Variants in SIPA1L3 observed in about 807,000 individuals in gnomAD.
SIPA1L3 encodes the protein signal induced proliferation associated 1 like 3, also known as signal-induced proliferation-associated 1-like protein 3.
In SIPA1L3, 59 loss-of-function variants were observed where a neutral mutation model predicts 150.1. That is an observed-to-expected ratio of 0.39 (90% CI 0.32 to 0.49). The LOEUF (loss-of-function observed/expected upper bound fraction) is 0.49, where lower values mean the gene tolerates loss of function less well. Among genes scored for constraint, SIPA1L3 ranks in the 20% least tolerant of loss-of-function variants. The pLI is 0.86. For missense variants in SIPA1L3, 2,211 were observed against 2,489.5 expected, an observed-to-expected ratio of 0.89 and a Z score of 2.38; for synonymous variants, 1,070 against 1,077.6, an observed-to-expected ratio of 0.99 and a Z score of 0.14.
intron 15 of SIPA1L3, among the ~76,000 whole-genome samples, chr19:38,181,244 C>G (rs1972548332): frequency 6.6e-6 from 1 of 152,208 alleles, no homozygotes; most frequent in Non-Finnish European, 1.5e-5. Flanking sequence ...GTTGTCATCT[C>G]TGGGGAGATG....
chr19:37,999,122 C>T (rs1037343184), intron 1 of SIPA1L3, among the ~76,000 whole-genome samples: 2 of 152,132 alleles, frequency 1.3e-5, no homozygotes, highest in Admixed American at 6.6e-5. Flanking sequence ...GGTAAATGAC[C>T]ACCTTGCAGT....
At chr19:38,192,465 A>G (rs1361184416) in intron 17 of SIPA1L3, among the ~76,000 whole-genome samples, 155 bp downstream of exon 17, 3 of 152,168 alleles carry the variant, frequency 2.0e-5, no homozygotes, top group Non-Finnish European at 4.4e-5. Flanking sequence ...GTTGGGGGCT[A>G]TGGGCTCATG....
In SIPA1L3 at chr19:37,942,184, C is replaced by T. The variant is rs190056566; in HGVS notation, c.-379+34826C>T. ...GGGACGGAGCCCGATAAGGTCTGTC[C>T]TCCTGGAGTTCATTGTTTAGGTTGG... is the stretch of plus-strand genomic sequence containing the variant. On this transcript the variant is annotated intron_variant, in intron 1 of 21. Transcript: ENST00000222345. Among the ~76,000 whole-genome samples, 225 of 152,142 alleles carry T rather than the reference C, an allele frequency of 1.5e-3. 1 individual carries two copies. In the East Asian group the frequency reaches 0.02, roughly 14 times the overall value.
chr19:38,178,093 GTGTGTGTGTGTGTGT>G (rs759055613), intron 15 of SIPA1L3, among the ~76,000 whole-genome samples: 2,386 of 61,220 alleles, frequency 0.039, 32 homozygotes, highest in South Asian at 0.14. Flanking sequence ...TTTGGTGTGT[GTGTGTGTGTGTGTGT>G]GTGTGTGTGT....
intron 1 of SIPA1L3, among the ~76,000 whole-genome samples, chr19:37,985,227 T>G (rs1967318101): frequency 6.6e-6 from 1 of 151,242 alleles, no homozygotes; most frequent in East Asian, 2.0e-4. Context: ...TGTGGGTCTC[T>G]CTCTGGTTGC....
At chr19:38,162,813 C>A (rs777760295) in intron 14 of SIPA1L3, among the ~76,000 whole-genome samples, 24 of 152,168 alleles carry the variant, frequency 1.6e-4, no homozygotes, top group Non-Finnish European at 3.5e-4. Flanking sequence ...TCTGCTGGGT[C>A]CCTGCGTCTT....
At chr19:38,085,690 G>A (rs1249563882) in intron 3 of SIPA1L3, among the ~76,000 whole-genome samples, 1 of 152,080 alleles carries the variant, frequency 6.6e-6, no homozygotes, top group Non-Finnish European at 1.5e-5. Context: ...GGGGTACCTA[G>A]ATTTAAAAAA....
rs968427134 is a variant in SIPA1L3 at position 37,969,473 on chromosome 19, A to C, written c.-378-59616A>C. On this transcript the variant is annotated intron_variant, in intron 1 of 21. Transcript: ENST00000222345. Reference sequence around the variant, plus strand: ...AGGCTGAGGCATGAGAATTGCTTCAACCCGGGAGGTGGAGGTTGCAGTGAG... The same window carrying C: ...AGGCTGAGGCATGAGAATTGCTTCACCCCGGGAGGTGGAGGTTGCAGTGAG... Among the ~76,000 whole-genome samples, 43 of 151,900 alleles carry C rather than the reference A, an allele frequency of 2.8e-4. 1 individual carries two copies. Among genetic ancestry groups the C allele is most frequent in the Non-Finnish European group, 2.9e-4 (20 of 67,962 alleles).
At chr19:38,105,417 G>C (rs1329291299) in intron 6 of SIPA1L3, among the ~76,000 whole-genome samples, 1 of 151,506 alleles carries the variant, frequency 6.6e-6, no homozygotes, top group Admixed American at 6.6e-5. Flanking sequence ...TACTGGTCCA[G>C]ACGCTACCAC....
intron 1 of SIPA1L3, among the ~76,000 whole-genome samples, chr19:37,948,411 G>T (rs1345975699): frequency 6.6e-6 from 1 of 151,628 alleles, no homozygotes; most frequent in East Asian, 1.9e-4. Flanking sequence ...AGGCTGCAGT[G>T]AGCCGTGATT....
chr19:37,960,571 T>C (rs1353907031), intron 1 of SIPA1L3, among the ~76,000 whole-genome samples: 2 of 145,130 alleles, frequency 1.4e-5, no homozygotes, highest in Non-Finnish European at 3.0e-5. Context: ...GCCTGGCTAA[T>C]TTTTTTTTTT....
rs554306287 is a variant in SIPA1L3, at chr19:37,984,504, G to A, written c.-378-44585G>A. On this transcript the variant is annotated intron_variant, in intron 1 of 21. Coordinates refer to ENST00000222345, the MANE Select transcript of SIPA1L3 (RefSeq NM_015073.3). ...CCCCCAGATAGATTATTGTGAGGCTGCGAAACATTAAGGAAAGAGAGAAAA... is the reference window on the plus strand; with the variant it reads ...CCCCCAGATAGATTATTGTGAGGCTACGAAACATTAAGGAAAGAGAGAAAA... 3.3e-5 allele frequency among the ~76,000 whole-genome samples: 5 copies of A among 152,246 alleles called. No homozygotes were observed. The East Asian group carries it at 9.6e-4, about 29-fold the overall frequency.
chr19:38,202,238 A>G (rs1168842545), intron 20 of SIPA1L3, among the ~76,000 whole-genome samples: 2 of 152,230 alleles, frequency 1.3e-5, no homozygotes, highest in Non-Finnish European at 2.9e-5. Context: ...CTCCCAGTCC[A>G]GCAGAGACGA....
chr19:38,073,355 G>A (rs895267217), intron 2 of SIPA1L3, among the ~76,000 whole-genome samples: 1 of 152,144 alleles, frequency 6.6e-6, no homozygotes, highest in African/African-American at 2.4e-5. Flanking sequence ...GCCTGGAGCC[G>A]CCATATCTGG....
At chr19:38,168,586 C>T (rs1439650310) in intron 15 of SIPA1L3, among the ~76,000 whole-genome samples, 3 of 152,092 alleles carry the variant, frequency 2.0e-5, no homozygotes, top group Admixed American at 2.0e-4. Flanking sequence ...CAGTAGCCCC[C>T]ATTCCAGGCA....
intron 9 of SIPA1L3, among the ~76,000 whole-genome samples, chr19:38,125,912 G>A (rs759390769): frequency 1.5e-4 from 23 of 152,176 alleles, no homozygotes; most frequent in Non-Finnish European, 2.6e-4. Flanking sequence ...GGTGGCTCAC[G>A]CCTGTAATCC....
intron 12 of SIPA1L3, among the ~76,000 whole-genome samples, chr19:38,151,332 G>T (rs1315246777): frequency 1.3e-5 from 2 of 152,182 alleles, no homozygotes; most frequent in African/African-American, 2.4e-5. Context: ...CTGCTGGTTG[G>T]CAGGGACCTC....
At chr19:38,140,749 A>T (rs1261326998) in intron 10 of SIPA1L3, among the ~76,000 whole-genome samples, 1 of 151,856 alleles carries the variant, frequency 6.6e-6, no homozygotes, top group Non-Finnish European at 1.5e-5. Flanking sequence ...AGGAGTATTC[A>T]CTCGACTTTT....
At chr19:38,089,733 G>A (rs539376163) in intron 4 of SIPA1L3, among the ~76,000 whole-genome samples, 1 of 152,200 alleles carries the variant, frequency 6.6e-6, no homozygotes, top group Non-Finnish European at 1.5e-5. Context: ...GCCTGTTGGG[G>A]CACCCATGCT....
Sources: allele counts gnomAD v4.1 joint callset (sites outside exome capture counted in the v4.1 genomes callset), GRCh38; gene constraint gnomAD v4.1.1; transcripts MANE v1.5; gene names NCBI Gene and HGNC (gene_info 2026-07-23, HGNC 2026-07-21).